The following RPS6KA2 variants were observed in gnomAD, a reference collection of about 807,000 sequenced individuals.
RPS6KA2 encodes ribosomal protein S6 kinase A2.
A neutral mutation model predicts 91.8 loss-of-function variants in RPS6KA2; 42 were observed. That is an observed-to-expected ratio of 0.46 (90% confidence interval 0.36 to 0.59). The LOEUF is 0.59. RPS6KA2 is among the 20% of genes least tolerant of loss of function. The pLI, the probability that RPS6KA2 is intolerant of heterozygous loss-of-function variation, is 0.00. For missense variants in RPS6KA2, 798 were observed against 978.5 expected, an observed-to-expected ratio of 0.82 and a Z score of 2.46; for synonymous variants, 414 against 393.6, an observed-to-expected ratio of 1.05 and a Z score of -0.61.
rs773229880 is a variant in RPS6KA2, at chr6:166,858,152, C to A, written c.123+48G>T. 9.0e-5 allele frequency: 102 copies of A among 1,128,174 alleles called. 2 individuals carry two copies. In the Middle Eastern group the frequency reaches 1.5e-3, roughly 17 times the overall value. 69.9% of individuals were successfully genotyped at this position (1,128,174 alleles called of 1,614,324 possible). On this transcript the variant is annotated intron_variant, in intron 2 of 21. Coordinates refer to the RPS6KA2 transcript ENST00000503859. Reference sequence around the variant, plus strand: ...ATTTCCCCCTTCACCACCTTCTGGGCCCAATCTCCCCAAACAAAGCAGAGT... The same window carrying A: ...ATTTCCCCCTTCACCACCTTCTGGGACCAATCTCCCCAAACAAAGCAGAGT...
intron 1 of RPS6KA2, among the ~76,000 whole-genome samples, chr6:166,571,420 C>A (rs527360157): frequency 6.6e-6 from 1 of 152,202 alleles, no homozygotes; most frequent in East Asian, 1.9e-4. Context: ...TACACAAAAA[C>A]GTCTGAACTT....
intron 2 of RPS6KA2, among the ~76,000 whole-genome samples, chr6:166,709,777 ACCAGGACAG>A (rs1789791725): frequency 6.6e-6 from 1 of 152,218 alleles, no homozygotes. Context: ...CCTTCTCGTC[ACCAGGACAG>A]CTTTAACTAC....
chr6:166,475,078 T>A (rs1331866207), intron 10 of RPS6KA2, among the ~76,000 whole-genome samples: 1 of 152,032 alleles, frequency 6.6e-6, no homozygotes, highest in Non-Finnish European at 1.5e-5. Context: ...CTGGGAGGCG[T>A]TTTCCTCGCA....
intron 1 of RPS6KA2, among the ~76,000 whole-genome samples, chr6:166,616,396 A>G (rs542476020): frequency 6.7e-6 from 1 of 149,608 alleles, no homozygotes; most frequent in East Asian, 2.0e-4. Context: ...CACCACCACC[A>G]CTAACGGGAC....
At chr6:166,550,513 C>T (rs927968929) in intron 1 of RPS6KA2, among the ~76,000 whole-genome samples, 8 of 152,146 alleles carry the variant, frequency 5.3e-5, no homozygotes, top group African/African-American at 1.9e-4. Flanking sequence ...AGATTCCTCC[C>T]GTGCATGAAC....
At chr6:166,628,117 T>C (rs1263105980), upstream of RPS6KA2, 1 of 152,230 alleles carries the variant, frequency 6.6e-6, no homozygotes, top group Non-Finnish European at 1.5e-5. Context: ...GCGCTGGGAA[T>C]ACCCGGGCGG....
At position 166,437,184 on chromosome 6, in the gene RPS6KA2, GACA is replaced by G. The variant is rs1449744217; in HGVS notation, c.1333-4697_1333-4695del. Reference sequence around the variant, plus strand: ...ATCTGCTGCGGGCAGCCGGGGTTTGGACACACTGTTTAGGAGCACCAGGGAGTG... The same window carrying G: ...ATCTGCTGCGGGCAGCCGGGGTTTGGCACTGTTTAGGAGCACCAGGGAGTG... On this transcript the variant is annotated intron_variant, in intron 14 of 20. Transcript: ENST00000265678. This position sits in a 1 kb window ranked among gnomAD's most constrained non-coding sequence, Gnocchi z 4.3. Among the ~76,000 whole-genome samples the G allele has an allele frequency of 1.3e-5, 2 of 152,074 alleles. No homozygotes were observed. Among genetic ancestry groups the G allele is most frequent in the African/African-American group, 4.8e-5 (2 of 41,404 alleles).
chr6:166,479,467 G>A (rs1429211488), intron 10 of RPS6KA2, among the ~76,000 whole-genome samples: 2 of 152,196 alleles, frequency 1.3e-5, no homozygotes, highest in African/African-American at 2.4e-5. Context: ...AGCGTGACTC[G>A]CCAGCTGCCC....
At chr6:166,795,049 T>G (rs1169904089) in intron 2 of RPS6KA2, among the ~76,000 whole-genome samples, 1 of 151,826 alleles carries the variant, frequency 6.6e-6, no homozygotes, top group Non-Finnish European at 1.5e-5. Context: ...AAATAAAAAT[T>G]CATCCATTCT....
intron 2 of RPS6KA2, among the ~76,000 whole-genome samples, chr6:166,769,585 T>TCC (rs1284474942): frequency 6.6e-6 from 1 of 152,172 alleles, no homozygotes; most frequent in East Asian, 1.9e-4. Flanking sequence ...AACCATACAG[T>TCC]TCAAAACACA....
intron 12 of RPS6KA2, among the ~76,000 whole-genome samples, chr6:166,456,028 GCACAGGCCATGTTAACTTGACAGACA>G (rs1316545284): frequency 1.3e-5 from 2 of 152,302 alleles, no homozygotes; most frequent in East Asian, 3.9e-4. Flanking sequence ...GGGGGTGGGG[GCACAGGCCATGTTAACTTGACAGACA>G]CAGTTTCATT....
At chr6:166,646,763 T>C (rs1425183122) in intron 2 of RPS6KA2, among the ~76,000 whole-genome samples, 7 of 152,222 alleles carry the variant, frequency 4.6e-5, no homozygotes, top group Admixed American at 3.9e-4. Flanking sequence ...CAAACCCTTT[T>C]GTCCTCACCC....
chr6:166,625,316 T>TCC (rs1378588501), intron 1 of RPS6KA2, among the ~76,000 whole-genome samples: 35 of 73,598 alleles, frequency 4.8e-4, no homozygotes, highest in African/African-American at 1.3e-3. Context: ...CGTTTCCTAT[T>TCC]CCCACCACCC....
chr6:166,701,042 C>T, intron 2 of RPS6KA2: 3 of 1,315,858 alleles, frequency 2.3e-6, no homozygotes, highest in Non-Finnish European at 3.3e-6. Flanking sequence ...GTTTGTTAAG[C>T]AATCTGTCTT....
At chr6:166,575,736 T>C (rs1230294624) in intron 1 of RPS6KA2, among the ~76,000 whole-genome samples, 1 of 152,174 alleles carries the variant, frequency 6.6e-6, no homozygotes, top group South Asian at 2.1e-4. Context: ...TCTTTATCAA[T>C]GGGAACCATC....
chr6:166,546,733 T>C (rs1023135351), intron 1 of RPS6KA2, among the ~76,000 whole-genome samples: 3 of 152,202 alleles, frequency 2.0e-5, no homozygotes, highest in African/African-American at 4.8e-5. Context: ...CAATTATCGA[T>C]GTGTCCAATG....
intron 2 of RPS6KA2, among the ~76,000 whole-genome samples, chr6:166,828,014 T>C (rs925643788): frequency 6.6e-6 from 1 of 152,226 alleles, no homozygotes; most frequent in African/African-American, 2.4e-5. Context: ...TTAGAAGAGA[T>C]GGCAATCAGC....
At chr6:166,660,312 A>ATGTGTGTGTGTGTGCATG (rs1554244349) in intron 2 of RPS6KA2, among the ~76,000 whole-genome samples, 13 of 148,486 alleles carry the variant, frequency 8.8e-5, no homozygotes, top group East Asian at 7.9e-4. Context: ...GTGTGTGTGC[A>ATGTGTGTGTGTGTGCATG]TGTGTGTGTG....
intron 12 of RPS6KA2, among the ~76,000 whole-genome samples, chr6:166,453,210 C>T (rs1284662133): frequency 1.4e-5 from 2 of 144,736 alleles, no homozygotes; most frequent in African/African-American, 5.0e-5. Flanking sequence ...CACACACACA[C>T]ACACACACAC....
Sources: gnomAD v4.1 joint callset for allele counts (sites outside exome capture counted in the v4.1 genomes callset) on GRCh38, gnomAD v4.1.1 for gene constraint, Gnocchi (gnomAD v3.1) non-coding constraint, MANE v1.5 for transcripts, NCBI Gene and HGNC (gene_info 2026-07-23, HGNC 2026-07-21) for gene names.